ATP2A2: variants seen among roughly 807,000 people sequenced by gnomAD.
ATP2A2 encodes sarcoplasmic/endoplasmic reticulum calcium ATPase 2.
In ATP2A2, 14 loss-of-function variants were observed where a neutral mutation model predicts 109.3. That is an observed-to-expected ratio of 0.13 (90% CI 0.08 to 0.20). The LOEUF (loss-of-function observed/expected upper bound fraction) is 0.20. Among genes scored for constraint, ATP2A2 ranks in the 10% least tolerant of loss-of-function variants. The pLI is 1.00. For missense variants in ATP2A2, 657 were observed against 1,321.6 expected (o/e 0.50, Z 7.80); for synonymous variants, 506 against 490.9 (o/e 1.03, Z -0.41).
rs1879417994 is a variant in ATP2A2 at position 110,342,170 on chromosome 12, C to G, written c.2098-58C>G. On this transcript the variant is annotated intron_variant, in intron 14 of 19. Coordinates refer to ENST00000539276, the MANE Select transcript of ATP2A2 (RefSeq NM_170665.4). This position sits in a 1 kb window ranked among gnomAD's most constrained non-coding sequence, Gnocchi z 4.6. Reference sequence around the variant, plus strand: ...TGCTTCCCATTCAGTGGGCTTTTGCCTAGGGGTATGAATGTGGCATGCCAG... The same window carrying G: ...TGCTTCCCATTCAGTGGGCTTTTGCGTAGGGGTATGAATGTGGCATGCCAG... The G allele has an allele frequency of 6.3e-7, 1 of 1,588,168 alleles. No individual in the cohort carries two copies. The highest frequency in any genetic ancestry group is 8.6e-7 in the Non-Finnish European group (1 of 1,156,638).
chr12:110,333,947 TTAAAGA>T (rs980963848), intron 10 of ATP2A2, 59 bp from the exon 11 acceptor site: 1 of 1,604,068 alleles, frequency 6.2e-7, no homozygotes, highest in African/African-American at 1.3e-5. Context: ...AAAAAAAATA[TTAAAGA>T]TAAATTTATC....
chr12:110,297,477 G>C (rs1010869561), intron 5 of ATP2A2, among the ~76,000 whole-genome samples: 3 of 150,856 alleles, frequency 2.0e-5, no homozygotes, highest in Non-Finnish European at 4.4e-5. Context: ...ATACTTATGT[G>C]TTACACTGAG....
Position 110,342,505 on chromosome 12 carries a change from G to A in ATP2A2, c.2318+57G>A, listed in dbSNP as rs550156285. On this transcript the variant is annotated intron_variant, in intron 15 of 19. Transcript: ENST00000539276. This position sits in a 1 kb window ranked among gnomAD's most constrained non-coding sequence, Gnocchi z 4.6. ...CGCCTTTATCTAAATGGGTCATGGAGCCCAGTTCTCGCAGTTTGCTCTCCA... is the reference window on the plus strand; with the variant it reads ...CGCCTTTATCTAAATGGGTCATGGAACCCAGTTCTCGCAGTTTGCTCTCCA... 11 of 1,571,524 alleles carry A rather than the reference G, an allele frequency of 7.0e-6. No homozygotes were observed. The African/African-American group carries it at 1.2e-4, about 17-fold the overall frequency.
In ATP2A2 at chr12:110,342,881, G is replaced by C. The variant is rs1344018707; in HGVS notation, c.2319-351G>C. On this transcript the variant is annotated intron_variant, in intron 15 of 19. Coordinates refer to ENST00000539276, the MANE Select transcript of ATP2A2 (RefSeq NM_170665.4). This position sits in a 1 kb window ranked among gnomAD's most constrained non-coding sequence, Gnocchi z 4.6. Reference sequence around the variant, plus strand: ...AGCCTCCCGAACAGCTGGGATTACAGGCATGCGCCACCACTCCCTGCCATT... The same window carrying C: ...AGCCTCCCGAACAGCTGGGATTACACGCATGCGCCACCACTCCCTGCCATT... 2.0e-5 allele frequency among the ~76,000 whole-genome samples: 3 copies of C among 152,120 alleles called. No individual in the cohort carries two copies. The highest frequency in any genetic ancestry group is 4.4e-5 in the Non-Finnish European group (3 of 68,028).
Position 110,342,127 on chromosome 12 carries a change from C to T in ATP2A2, c.2098-101C>T. On this transcript the variant is annotated intron_variant, in intron 14 of 19. Coordinates refer to ENST00000539276, the MANE Select transcript of ATP2A2 (RefSeq NM_170665.4). The surrounding 1 kb of genome is among the most constrained non-coding windows in gnomAD (Gnocchi z 4.6). ...AAACTCTTTGCCAAGAGACCTACGG[C>T]TCTATTCATTTTCCTCCTGCTTCCC... The T allele has an allele frequency of 7.6e-7, 1 of 1,321,524 alleles. No individual in the cohort carries two copies. The highest frequency in any genetic ancestry group is 1.1e-6 in the Non-Finnish European group (1 of 917,128). 81.9% of individuals were successfully genotyped at this position (1,321,524 alleles called of 1,614,324 possible). A position where few individuals can be genotyped will look rare whatever the true frequency, so the allele number is the denominator to read the frequency against.
Position 110,350,032 on chromosome 12 carries a change from G to A in ATP2A2, c.*3562G>A. On this transcript the variant is annotated 3_prime_UTR_variant, in exon 20 of 20. Transcript: ENST00000539276. ...CTGCAACGATTGTGTCTGCCTCATGGGGTTTTCCTCCAGAGCCTTTATTCT... is the reference window on the plus strand; with the variant it reads ...CTGCAACGATTGTGTCTGCCTCATGAGGTTTTCCTCCAGAGCCTTTATTCT... 2 of 1,396,794 alleles carry A rather than the reference G, an allele frequency of 1.4e-6. No homozygotes were observed. Among genetic ancestry groups the A allele is most frequent in the African/African-American group, 1.5e-5 (1 of 68,952 alleles). The allele number at this position is 1,396,794 out of a possible 1,614,324, so 86.5% of individuals were successfully genotyped here. A position where few individuals can be genotyped will look rare whatever the true frequency, so the allele number is the denominator to read the frequency against.
intron 4 of ATP2A2, among the ~76,000 whole-genome samples, chr12:110,294,662 T>C (rs1457593670): frequency 1.3e-5 from 2 of 152,084 alleles, no homozygotes; most frequent in South Asian, 2.1e-4. Context: ...AAAAAAAGAT[T>C]CGAGTTTTTA....
chr12:110,286,636 G>A (rs560582758), intron 3 of ATP2A2, among the ~76,000 whole-genome samples: 3 of 149,996 alleles, frequency 2.0e-5, no homozygotes, highest in East Asian at 1.9e-4. Flanking sequence ...AGAAATTATC[G>A]TAACGTTTAT....
At chr12:110,324,816 T>C (rs1042547185) in intron 6 of ATP2A2, among the ~76,000 whole-genome samples, 5 of 151,768 alleles carry the variant, frequency 3.3e-5, no homozygotes, top group African/African-American at 1.2e-4. Flanking sequence ...TTATAGTCTC[T>C]ATAATGAAAA....
In ATP2A2 at chr12:110,343,433, C is replaced by T; in HGVS notation, c.2520C>T (p.Gly840=). The T allele has an allele frequency of 6.2e-7, 1 of 1,613,996 alleles. No individual in the cohort carries two copies. The highest frequency in any genetic ancestry group is 8.5e-7 in the Non-Finnish European group (1 of 1,179,868). ...GWLFFRYLAI[G]CYVGAATVGA... is the part of the protein sequence containing the mutation. ...TCTTTTTCCGTTACTTGGCTATTGG[C>T]TGTGAGTACAATTTTTTTATATTAC... The change falls in exon 16 of 20, where the codon GGC becomes GGT. Residue 840 remains glycine, a splice_region_variant and synonymous_variant. Coordinates refer to ENST00000539276, the MANE Select transcript of ATP2A2 (RefSeq NM_170665.4).
At chr12:110,293,388 TGTTTGTTTGTTTG>T (rs1406013216) in intron 4 of ATP2A2, among the ~76,000 whole-genome samples, 1 of 94,062 alleles carries the variant, frequency 1.1e-5, no homozygotes, top group African/African-American at 4.2e-5. Flanking sequence ...TTTTTTTTTT[TGTTTGTTTGTTTG>T]TTTGTTTGTT....
chr12:110,301,977 T>C (rs1463749368), intron 5 of ATP2A2, among the ~76,000 whole-genome samples: 1 of 152,222 alleles, frequency 6.6e-6, no homozygotes, highest in South Asian at 2.1e-4. Context: ...CCTATCTCGC[T>C]TTCTCACACT....
Position 110,327,568 on chromosome 12 carries a change from G to A in ATP2A2, c.646G>A (p.Ala216Thr). 1 of 1,614,014 alleles carries A rather than the reference G, an allele frequency of 6.2e-7. No individual in the cohort carries two copies. The highest frequency in any genetic ancestry group is 1.7e-5 in the Admixed American group (1 of 60,002). ...NMLFSGTNIA[A>T]GKAMGVVVAT... The stretch of plus-strand genomic sequence containing the variant: ...TCTGTCCTAGGGTACAAACATTGCT[G>A]CTGGGAAAGCTATGGGAGTGGTGGT... The change falls in exon 8 of 20, where the codon GCT (alanine) becomes ACT (threonine). Residue 216 changes from alanine (A) to threonine (T), a missense_variant. Around this residue, in one of 9 missense-constraint regions of ATP2A2, gnomAD observed 136 missense variants for 343.9 expected, o/e 0.40. Transcript: ENST00000539276. The surrounding 1 kb of genome is among the most constrained non-coding windows in gnomAD (Gnocchi z 4.4).
At position 110,347,455 on chromosome 12, in the gene ATP2A2, T is replaced by C. The variant is rs1447377701; in HGVS notation, c.*985T>C. 7.8e-7 allele frequency: 1 copy of C among 1,289,046 alleles called. No individual in the cohort carries two copies. The allele number at this position is 1,289,046 out of a possible 1,614,324, so 79.9% of individuals were successfully genotyped here. A position where few individuals can be genotyped will look rare whatever the true frequency, so the allele number is the denominator to read the frequency against. The stretch of plus-strand genomic sequence containing the variant: ...GGAAGAAGGCTCCTGCTCTGCTGTG[T>C]AGGTAGTCATAGGAATTGTATTCTT... On this transcript the variant is annotated 3_prime_UTR_variant, in exon 20 of 20. Transcript: ENST00000539276.
In ATP2A2 at chr12:110,340,216, G is replaced by A. The variant is rs956475201; in HGVS notation, c.1762-443G>A. ...GTTAAAGAATGGTTTGATAACGGGTGTAGTGGTATTTTTTTTTCTCATAAG... is the reference window on the plus strand; with the variant it reads ...GTTAAAGAATGGTTTGATAACGGGTATAGTGGTATTTTTTTTTCTCATAAG... On this transcript the variant is annotated intron_variant, in intron 13 of 19. Transcript: ENST00000539276. The surrounding 1 kb of genome is among the most constrained non-coding windows in gnomAD (Gnocchi z 6.0). 4.6e-5 allele frequency among the ~76,000 whole-genome samples: 7 copies of A among 152,140 alleles called. No homozygotes were observed. The highest frequency in any genetic ancestry group is 1.7e-4 in the African/African-American group (7 of 41,420).
rs1298641434 is a variant in ATP2A2 at position 110,349,201 on chromosome 12, C to A, written c.*2731C>A. The stretch of plus-strand genomic sequence containing the variant: ...CTGGGTGAAAACACTTCAGCATCTC[C>A]TCCTCAGGTCAACCCATAAAGACCA... On this transcript the variant is annotated 3_prime_UTR_variant, in exon 20 of 20. Transcript: ENST00000539276. 6 of 985,404 alleles carry A rather than the reference C, an allele frequency of 6.1e-6. No individual in the cohort carries two copies. The highest frequency in any genetic ancestry group is 7.2e-6 in the Non-Finnish European group (6 of 830,038). 61.0% of individuals were successfully genotyped at this position (985,404 alleles called of 1,614,324 possible). A position where few individuals can be genotyped will look rare whatever the true frequency, so the allele number is the denominator to read the frequency against.
At chr12:110,324,566 C>T (rs1327898898) in intron 6 of ATP2A2, among the ~76,000 whole-genome samples, 2 of 152,206 alleles carry the variant, frequency 1.3e-5, no homozygotes, top group African/African-American at 2.4e-5. Context: ...GGATTATAGG[C>T]GTGCGCCACC....
In ATP2A2 at chr12:110,348,521, A is replaced by G. The variant is rs1880099120; in HGVS notation, c.*2051A>G. ...AGCAGGACAAGGTGCTGCTGAGTTC[A>G]GAGGGCCCACGTTCAAGGGATGGAG... On this transcript the variant is annotated 3_prime_UTR_variant, in exon 20 of 20. Transcript: ENST00000539276. 5 of 985,568 alleles carry G rather than the reference A, an allele frequency of 5.1e-6. No individual in the cohort carries two copies. The African/African-American group carries it at 8.7e-5, about 17-fold the overall frequency. 61.1% of individuals were successfully genotyped at this position (985,568 alleles called of 1,614,324 possible).
Position 110,343,341 on chromosome 12 carries a change from C to G in ATP2A2, c.2428C>G (p.Pro810Ala). 2 of 1,614,226 alleles carry G rather than the reference C, an allele frequency of 1.2e-6. No homozygotes were observed. Among genetic ancestry groups the G allele is most frequent in the Non-Finnish European group, 1.7e-6 (2 of 1,180,046 alleles). Residue 810 changes from proline (P) to alanine (A), a missense_variant, in exon 16 of 20, where the codon CCT (proline) becomes GCT (alanine). By Grantham distance (27) the Pro-to-Ala change is conservative (BLOSUM62 -1). Transcript: ENST00000539276. ...GLPATALGFN[P>A]PDLDIMNKPP... ...GCCTGCCACTGCACTGGGGTTCAAC[C>G]CTCCTGATCTGGACATCATGAATAA...
Sources: allele counts gnomAD v4.1 joint callset (sites outside exome capture counted in the v4.1 genomes callset), GRCh38; gene constraint gnomAD v4.1.1; regional missense constraint gnomAD v4.1.1; non-coding constraint Gnocchi (gnomAD v3.1); transcripts MANE v1.5; gene names NCBI Gene and HGNC (gene_info 2026-07-23, HGNC 2026-07-21).